SLC9A9: variants seen among roughly 807,000 people sequenced by gnomAD.
SLC9A9 encodes sodium/hydrogen exchanger 9.
In SLC9A9, 62 loss-of-function variants were observed where a neutral mutation model predicts 77.8. The ratio of observed to expected loss-of-function variants is 0.80; its 90% CI spans 0.65 to 0.98. SLC9A9 has a LOEUF of 0.98. SLC9A9 is among the 50% of genes least tolerant of loss of function. The pLI, the probability that SLC9A9 is intolerant of heterozygous loss-of-function variation, is 0.00. For missense variants in SLC9A9, 775 were observed against 774.9 expected, an observed-to-expected ratio of 1.00 and a Z score of 0.00; for synonymous variants, 320 against 283.5, an observed-to-expected ratio of 1.13 and a Z score of -1.29.
chr3:143,362,297 C>T (rs1292363934), intron 14 of SLC9A9, among the ~76,000 whole-genome samples: 1 of 152,166 alleles, frequency 6.6e-6, no homozygotes. Context: ...AAAAACAAAA[C>T]TCTAACCTCA....
At position 143,318,868 on chromosome 3, in the gene SLC9A9, G is replaced by A. The variant is rs562244916; in HGVS notation, c.1604+44616C>T. On this transcript the variant is annotated intron_variant, in intron 14 of 15. Transcript: ENST00000316549. ...CTAAAATTAACTGAAGATCTCTTGG[G>A]AGAGATGAGCTTGAGCTTGGCCACG... Among the ~76,000 whole-genome samples, 3 of 152,330 alleles carry A rather than the reference G, an allele frequency of 2.0e-5. No homozygotes were observed. The East Asian group carries it at 5.8e-4, about 29-fold the overall frequency.
chr3:143,359,107 A>G (rs1179140315), intron 14 of SLC9A9, among the ~76,000 whole-genome samples: 2 of 152,236 alleles, frequency 1.3e-5, no homozygotes, highest in Non-Finnish European at 2.9e-5. Context: ...AGACTCACTT[A>G]GCAGCCTTCT....
chr3:143,797,383 T>C (rs184601875), intron 2 of SLC9A9, among the ~76,000 whole-genome samples: 94 of 152,336 alleles, frequency 6.2e-4, no homozygotes, highest in Admixed American at 6.1e-3. Flanking sequence ...TGGGTTTTAC[T>C]TAAATGTCAA....
Position 143,382,100 on chromosome 3 carries a change from A to G in SLC9A9, c.1484T>C (p.Leu495Pro), listed in dbSNP as rs1254023185. The change falls in exon 13 of 16, where the codon CTG becomes CCG. Residue 495 changes from leucine (L) to proline (P), a missense_variant. Physicochemically the swap from Leu to Pro is moderately conservative, Grantham distance 98 (BLOSUM62 -3). Coordinates refer to ENST00000316549, the MANE Select transcript of SLC9A9 (RefSeq NM_173653.4). ...GGGGTCCTCCTTCAGATTTTCATCC[A>G]GGTCCACGCCAACTCTGTTAAACAA... ...TWLQIRVGVDLDENLKEDPSS... is the reference protein window; with the variant it reads ...TWLQIRVGVDPDENLKEDPSS... 6.2e-7 allele frequency: 1 copy of G among 1,614,010 alleles called. No homozygotes were observed. Among genetic ancestry groups the G allele is most frequent in the Non-Finnish European group, 8.5e-7 (1 of 1,179,992 alleles).
At chr3:143,405,864 G>A (rs2033966072) in intron 12 of SLC9A9, among the ~76,000 whole-genome samples, 1 of 152,180 alleles carries the variant, frequency 6.6e-6, no homozygotes. Context: ...AACTAAAATT[G>A]AATAGATTTT....
intron 6 of SLC9A9, among the ~76,000 whole-genome samples, chr3:143,616,125 C>T (rs1026420690): frequency 9.2e-5 from 14 of 152,140 alleles, no homozygotes; most frequent in Admixed American, 4.6e-4. Flanking sequence ...CCTTGTGATC[C>T]GCCCGCCTCG....
intron 2 of SLC9A9, among the ~76,000 whole-genome samples, chr3:143,828,953 T>C (rs2108886891): frequency 6.6e-6 from 1 of 152,298 alleles, no homozygotes; most frequent in Non-Finnish European, 1.5e-5. Context: ...TCCAAAACCC[T>C]TGATACTCCC....
At chr3:143,800,400 A>G (rs962941500) in intron 2 of SLC9A9, among the ~76,000 whole-genome samples, 1 of 152,216 alleles carries the variant, frequency 6.6e-6, no homozygotes, top group African/African-American at 2.4e-5. Flanking sequence ...AAAACCAGAC[A>G]AGTCTTACAA....
chr3:143,530,393 G>T (rs879767706), intron 9 of SLC9A9, among the ~76,000 whole-genome samples: 1 of 152,050 alleles, frequency 6.6e-6, no homozygotes, highest in Non-Finnish European at 1.5e-5. Context: ...CTTTCGCTTG[G>T]CTATCATTCT....
intron 4 of SLC9A9, among the ~76,000 whole-genome samples, chr3:143,698,828 T>A (rs977406543): frequency 6.6e-6 from 1 of 152,158 alleles, no homozygotes; most frequent in African/African-American, 2.4e-5. Flanking sequence ...ACCAGTCCCA[T>A]TAACTGTCAG....
intron 2 of SLC9A9, among the ~76,000 whole-genome samples, chr3:143,807,126 C>T (rs978581654): frequency 6.6e-6 from 1 of 152,134 alleles, no homozygotes; most frequent in Non-Finnish European, 1.5e-5. Context: ...GAGCATAACA[C>T]GCACAGAGAT....
At chr3:143,276,582 T>C (rs1005105677) in intron 14 of SLC9A9, among the ~76,000 whole-genome samples, 3 of 143,176 alleles carry the variant, frequency 2.1e-5, no homozygotes, top group Non-Finnish European at 3.1e-5. Context: ...TACCAAGGAA[T>C]AGGAGAAACA....
intron 13 of SLC9A9, among the ~76,000 whole-genome samples, chr3:143,368,880 TA>T (rs1311680868): frequency 2.6e-5 from 4 of 152,226 alleles, no homozygotes; most frequent in Non-Finnish European, 4.4e-5. Context: ...CAAATAGAAA[TA>T]TTTTTTTCAA....
At chr3:143,671,237 C>T (rs2108765273) in intron 5 of SLC9A9, among the ~76,000 whole-genome samples, 1 of 152,272 alleles carries the variant, frequency 6.6e-6, no homozygotes, top group Non-Finnish European at 1.5e-5. Context: ...CTTTGGGTTG[C>T]TTCTACATAT....
chr3:143,355,576 G>A (rs899975122), intron 14 of SLC9A9, among the ~76,000 whole-genome samples: 11 of 152,168 alleles, frequency 7.2e-5, no homozygotes, highest in South Asian at 2.1e-4. Context: ...ACTTGCTTCC[G>A]TTTGATAAAA....
At chr3:143,393,640 CA>C (rs574532629) in intron 12 of SLC9A9, among the ~76,000 whole-genome samples, 1 of 151,958 alleles carries the variant, frequency 6.6e-6, no homozygotes, top group East Asian at 1.9e-4. Flanking sequence ...AAAAACCCTT[CA>C]AAAAATCAAT....
At chr3:143,325,358 A>G (rs1252356213) in intron 14 of SLC9A9, among the ~76,000 whole-genome samples, 1 of 152,226 alleles carries the variant, frequency 6.6e-6, no homozygotes, top group African/African-American at 2.4e-5. Context: ...GTATTTGTTA[A>G]CAGATCAGTG....
intron 14 of SLC9A9, among the ~76,000 whole-genome samples, chr3:143,277,368 A>AT (rs1456995078): frequency 1.3e-5 from 2 of 152,194 alleles, no homozygotes; most frequent in African/African-American, 4.8e-5. Context: ...CCTTGAAGCT[A>AT]ATATCCTTGG....
intron 6 of SLC9A9, among the ~76,000 whole-genome samples, chr3:143,616,366 G>A (rs1263601607): frequency 6.6e-6 from 1 of 152,102 alleles, no homozygotes; most frequent in Non-Finnish European, 1.5e-5. Context: ...ATTGAAGGAG[G>A]AGAAAGCTTT....
Sources: gnomAD v4.1 joint callset for allele counts (sites outside exome capture counted in the v4.1 genomes callset) on GRCh38, gnomAD v4.1.1 for gene constraint, MANE v1.5 for transcripts, NCBI Gene and HGNC (gene_info 2026-07-23, HGNC 2026-07-21) for gene names.